The following ADCK5 variants were observed in gnomAD, a reference collection of about 807,000 sequenced individuals.
ADCK5 encodes uncharacterized aarF domain-containing protein kinase 5.
ADCK5 carries 43 observed loss-of-function variants against 64.9 expected under a neutral mutation model. The observed-to-expected ratio is 0.66, with a 90% CI of 0.52 to 0.85. ADCK5 has a LOEUF of 0.85. ADCK5 is among the 40% of genes least tolerant of loss of function. ADCK5 has a pLI of 0.00. For missense variants in ADCK5, 760 were observed against 810.5 expected (o/e 0.94, Z 0.76); for synonymous variants, 434 against 342.8 (o/e 1.27, Z -2.94).
In ADCK5 at chr8:144,393,095, G is replaced by C; in HGVS notation, c.*21G>C. 6.5e-7 allele frequency: 1 copy of C among 1,529,212 alleles called. No individual in the cohort carries two copies. The highest frequency in any genetic ancestry group is 8.8e-7 in the Non-Finnish European group (1 of 1,142,634). The allele number at this position is 1,529,212 out of a possible 1,614,324, so 94.7% of individuals were successfully genotyped here. A position where few individuals can be genotyped will look rare whatever the true frequency, so the allele number is the denominator to read the frequency against. ...CCTAGGGTGCAGCCGCCCAGGGCCG[G>C]CGGGGCCCTTTTCACCTTGGGCTGA... On this transcript the variant is annotated 3_prime_UTR_variant, in exon 15 of 15. Transcript: ENST00000308860.
intron 3 of ADCK5, among the ~76,000 whole-genome samples, chr8:144,386,910 G>T (rs1474946004): frequency 6.6e-6 from 1 of 152,224 alleles, no homozygotes; most frequent in African/African-American, 2.4e-5. Flanking sequence ...TCAGTCCTCT[G>T]TTTGGGTAAA....
At chr8:144,374,476 C>T (rs1181495899) in intron 1 of ADCK5, among the ~76,000 whole-genome samples, 2 of 152,146 alleles carry the variant, frequency 1.3e-5, no homozygotes, top group Non-Finnish European at 2.9e-5. Flanking sequence ...GGATTTCAGG[C>T]GGGAGCCGCG....
At chr8:144,373,655 T>TGGTG (rs1248596816), upstream of ADCK5, among the ~76,000 whole-genome samples, 5 of 152,150 alleles carry the variant, frequency 3.3e-5, no homozygotes, top group African/African-American at 1.2e-4. Context: ...CACAGGCAGG[T>TGGTG]GGTGAGTTGG....
intron 3 of ADCK5, among the ~76,000 whole-genome samples, chr8:144,386,072 C>T (rs1461686946): frequency 3.4e-5 from 5 of 148,600 alleles, no homozygotes; most frequent in African/African-American, 9.9e-5. Context: ...GCAGTGGCTT[C>T]GTCTCAGCTC....
At position 144,384,828 on chromosome 8, in the gene ADCK5, G is replaced by T. The variant is rs960657356; in HGVS notation, c.266+1598G>T. ...ATCTTCTCACAGCTCGCTCTCAGGG[G>T]CTGAGCTGGGGTTGCAGGGAGGGAC... is the stretch of plus-strand genomic sequence containing the variant. On this transcript the variant is annotated intron_variant, in intron 3 of 14. Transcript: ENST00000308860. This position sits in a 1 kb window ranked among gnomAD's most constrained non-coding sequence, Gnocchi z 5.7. Among the ~76,000 whole-genome samples, 1 of 152,174 alleles carries T rather than the reference G, an allele frequency of 6.6e-6. No homozygotes were observed. The highest frequency in any genetic ancestry group is 2.4e-5 in the African/African-American group (1 of 41,440).
In ADCK5 at chr8:144,390,936, C is replaced by G; in HGVS notation, c.423C>G (p.Asn141Lys). Residue 141 changes from asparagine (N) to lysine (K), a missense_variant, in exon 5 of 15, where the codon AAC becomes AAG. Asn to Lys is a moderately conservative substitution (Grantham distance 94). This residue lies in a region of ADCK5 where 427 missense variants were observed against 518.4 expected (regional missense o/e 0.82). Transcript: ENST00000308860. ...CCCTGGTGGCAGGGGCCATCAGCAA[C>G]GGGGGCCTCTACGTGAAGCTGGGCC... The part of the protein sequence containing the change: ...ADALVAGAIS[N>K]GGLYVKLGQG... 1 of 1,612,914 alleles carries G rather than the reference C, an allele frequency of 6.2e-7. No homozygotes were observed. Among genetic ancestry groups the G allele is most frequent in the South Asian group, 1.1e-5 (1 of 91,092 alleles).
intron 3 of ADCK5, among the ~76,000 whole-genome samples, chr8:144,388,784 C>T (rs888960469): frequency 4.6e-5 from 7 of 151,914 alleles, no homozygotes; most frequent in African/African-American, 1.2e-4. Flanking sequence ...AAAAAGAAAC[C>T]GAAACCCTGG....
At chr8:144,386,868 G>A (rs1819947784) in intron 3 of ADCK5, among the ~76,000 whole-genome samples, 1 of 152,204 alleles carries the variant, frequency 6.6e-6, no homozygotes, top group African/African-American at 2.4e-5. Context: ...TTATCACTCA[G>A]GAAATCCCAA....
chr8:144,380,241 T>C (rs199853437), intron 2 of ADCK5, among the ~76,000 whole-genome samples: 23 of 144,642 alleles, frequency 1.6e-4, no homozygotes, highest in South Asian at 6.6e-4. Flanking sequence ...GGGCCGGGTG[T>C]AGAAACAGAT....
upstream of ADCK5, chr8:144,373,295 A>AGTGAGGTCAGTCTAGTAGCG (rs1469967122): frequency 4.6e-5 from 7 of 152,980 alleles, no homozygotes; most frequent in South Asian, 1.4e-3. Context: ...GTCTAGTAGC[A>AGTGAGGTCAGTCTAGTAGCG]GTGAGGTCAG....
chr8:144,373,917 G>C (rs1040506357), upstream of ADCK5: 3 of 677,492 alleles, frequency 4.4e-6, no homozygotes, highest in East Asian at 1.1e-4. Context: ...GCCGCCAGGG[G>C]ACGCTGCCCC....
chr8:144,385,090 C>T (rs1819851202), intron 3 of ADCK5, among the ~76,000 whole-genome samples: 1 of 152,000 alleles, frequency 6.6e-6, no homozygotes, highest in Non-Finnish European at 1.5e-5. Flanking sequence ...CACAGGTACC[C>T]AAATGATCAG....
At chr8:144,378,377 G>C (rs77688431) in intron 1 of ADCK5, among the ~76,000 whole-genome samples, 88 of 152,280 alleles carry the variant, frequency 5.8e-4, no homozygotes, top group African/African-American at 2.0e-3. Flanking sequence ...CCTTGCTGTT[G>C]TGGTGATAGT....
At chr8:144,390,588 G>A (rs1554860166) in intron 3 of ADCK5, 83 bp from the exon 4 acceptor site, 1 of 1,409,564 alleles carries the variant, frequency 7.1e-7, no homozygotes, top group Non-Finnish European at 9.8e-7. Context: ...GGTGAGGCTA[G>A]ACCATGAGGG....
intron 3 of ADCK5, among the ~76,000 whole-genome samples, chr8:144,390,366 TG>T (rs1820155841): frequency 6.6e-6 from 1 of 152,186 alleles, no homozygotes; most frequent in Admixed American, 6.5e-5. Context: ...TGAGCTCAAG[TG>T]ATCCTCCCAG....
rs1554860841 is a variant in ADCK5, at chr8:144,391,924, G to A, written c.1015-17G>A. ...GGGCTGGTGCTGTGTCCACTGCAAT[G>A]CCTCTCCTCTCCCCAGATAGCAGAA... On this transcript the variant is annotated splice_polypyrimidine_tract_variant and intron_variant, in intron 9 of 14. Transcript: ENST00000308860. 2.5e-6 allele frequency: 4 copies of A among 1,612,012 alleles called. No homozygotes were observed. Among genetic ancestry groups the A allele is most frequent in the Non-Finnish European group, 2.5e-6 (3 of 1,179,928 alleles).
intron 3 of ADCK5, among the ~76,000 whole-genome samples, chr8:144,386,353 A>C (rs539030236): frequency 6.7e-6 from 1 of 149,256 alleles, no homozygotes; most frequent in African/African-American, 2.5e-5. Context: ...TTTTTTATTT[A>C]ACTTATTTTT....
Position 144,393,043 on chromosome 8 carries a change from CGGA to C in ADCK5, c.1717_1719del (p.Glu573del), listed in dbSNP as rs1380991881. On this transcript the variant is annotated inframe_deletion, in exon 15 of 15. Coordinates refer to ENST00000308860, the MANE Select transcript of ADCK5 (RefSeq NM_174922.5). ...GTCCACCTGAGCCTCGTGCCCCCAGCGGAGGAGCTCTACCAGTACCTGGAGACC... is the reference window on the plus strand; with the variant it reads ...GTCCACCTGAGCCTCGTGCCCCCAGCGGAGCTCTACCAGTACCTGGAGACC... The C allele has an allele frequency of 3.8e-6, 6 of 1,586,876 alleles. No homozygotes were observed. The highest frequency in any genetic ancestry group is 5.1e-6 in the Non-Finnish European group (6 of 1,170,818).
rs1462351624 is a variant in ADCK5 at position 144,392,512 on chromosome 8, C to A, written c.1335C>A (p.His445Gln). 2 of 1,543,626 alleles carry A rather than the reference C, an allele frequency of 1.3e-6. No homozygotes were observed. Among genetic ancestry groups the A allele is most frequent in the Admixed American group, 1.9e-5 (1 of 51,964 alleles). Residue 445 changes from histidine (H) to glutamine (Q), a missense_variant, in exon 13 of 15, where the codon CAC becomes CAA. This residue lies in a region of ADCK5 where 333 missense variants were observed against 292.0 expected (regional missense o/e 1.14). Transcript: ENST00000308860. ...PVRLGQLWGS[H>Q]LLSREEAAYM... ...GCCTGGGGCAGCTGTGGGGCTCGCA[C>A]CTACTGAGCCGCGAAGAGGCGGCCT...
Sources: gnomAD v4.1 joint callset for allele counts (sites outside exome capture counted in the v4.1 genomes callset) on GRCh38, gnomAD v4.1.1 for gene constraint, gnomAD v4.1.1 regional missense constraint, Gnocchi (gnomAD v3.1) non-coding constraint, MANE v1.5 for transcripts, NCBI Gene and HGNC (gene_info 2026-07-23, HGNC 2026-07-21) for gene names.